The following TBC1D32 variants were observed in gnomAD, a reference collection of about 807,000 sequenced individuals.
The protein encoded by TBC1D32 is protein broad-minded.
Under a neutral mutation model 170.3 loss-of-function variants are expected in TBC1D32, and 151 were observed. The observed-to-expected ratio is 0.89, with a 90% confidence interval of 0.78 to 1.01. The LOEUF is 1.01. Among genes scored for constraint, TBC1D32 ranks in the 50% least tolerant of loss-of-function variants. The probability of loss-of-function intolerance (pLI) is 0.00; values close to 1 mark genes in which losing one functional copy is unlikely to be tolerated. For missense variants in TBC1D32, 1,464 were observed against 1,457.1 expected, an observed-to-expected ratio of 1.00 and a Z score of -0.08; for synonymous variants, 498 against 488.0, an observed-to-expected ratio of 1.02 and a Z score of -0.27.
intron 22 of TBC1D32, among the ~76,000 whole-genome samples, chr6:121,186,919 A>G (rs574843450): frequency 0.03 from 1,896 of 62,466 alleles, 38 homozygotes; most frequent in African/African-American, 0.052. Context: ...AAATGACTCA[A>G]AATATTCAAA....
chr6:121,169,864 G>A (rs1195000633), intron 22 of TBC1D32, among the ~76,000 whole-genome samples: 1 of 152,034 alleles, frequency 6.6e-6, no homozygotes, highest in Non-Finnish European at 1.5e-5. Context: ...TTGAGGTAAT[G>A]GCAAGTGTGA....
intron 12 of TBC1D32, among the ~76,000 whole-genome samples, chr6:121,289,779 T>C (rs991681048): frequency 4.6e-5 from 6 of 129,382 alleles, no homozygotes; most frequent in African/African-American, 1.5e-4. Context: ...CAAAACAGCA[T>C]GGTACTGGTA....
intron 21 of TBC1D32, among the ~76,000 whole-genome samples, chr6:121,218,577 T>C (rs1794110312): frequency 1.3e-5 from 2 of 152,166 alleles, no homozygotes; most frequent in African/African-American, 2.4e-5. Flanking sequence ...GCTGTCTGTG[T>C]GCCTAGAATA....
chr6:121,325,091 A>G (rs1475570536), intron 1 of TBC1D32, among the ~76,000 whole-genome samples: 2 of 152,052 alleles, frequency 1.3e-5, no homozygotes, highest in Non-Finnish European at 2.9e-5. Context: ...ACATGCTTAT[A>G]ATCCCAGCTA....
intron 30 of TBC1D32, among the ~76,000 whole-genome samples, chr6:121,099,776 TA>T (rs962177237): frequency 1.3e-5 from 2 of 151,948 alleles, no homozygotes; most frequent in African/African-American, 4.8e-5. Context: ...AGGACATTTT[TA>T]CATTACCTTA....
intron 14 of TBC1D32, 134 bp from the exon 15 acceptor site, chr6:121,279,379 T>A: frequency 9.3e-7 from 1 of 1,077,766 alleles, no homozygotes; most frequent in Non-Finnish European, 1.3e-6. Context: ...ATGATTTGTT[T>A]GGCTGTGAAA....
In TBC1D32 at chr6:121,252,093, C is replaced by T. The variant is rs71449110; in HGVS notation, c.2018+3235G>A. Reference sequence around the variant, plus strand: ...AAAAAACAGGTGCTAGAGAGGATGTCGAGAAATAGGGACGATTTTACACTG... The same window carrying T: ...AAAAAACAGGTGCTAGAGAGGATGTTGAGAAATAGGGACGATTTTACACTG... On this transcript the variant is annotated intron_variant, in intron 17 of 31. Coordinates refer to ENST00000398212, the MANE Select transcript of TBC1D32 (RefSeq NM_152730.6). Among the ~76,000 whole-genome samples, 7 of 152,106 alleles carry T rather than the reference C, an allele frequency of 4.6e-5. No individual in the cohort carries two copies. In the South Asian group the frequency reaches 1.0e-3, roughly 23 times the overall value.
chr6:121,218,790 A>C (rs113147227), intron 21 of TBC1D32, among the ~76,000 whole-genome samples: 2 of 152,112 alleles, frequency 1.3e-5, no homozygotes, highest in African/African-American at 4.8e-5. Flanking sequence ...AGTTACCCCC[A>C]TGCTGTTTTC....
intron 12 of TBC1D32, among the ~76,000 whole-genome samples, chr6:121,290,062 G>T (rs1804581637): frequency 6.6e-6 from 1 of 152,066 alleles, no homozygotes. Context: ...GAAAACCTAG[G>T]CAATACCATT....
At chr6:121,279,283 T>C (rs977475423) in intron 14 of TBC1D32, 38 bp from the exon 15 acceptor site, 2 of 1,591,942 alleles carry the variant, frequency 1.3e-6, no homozygotes, top group Non-Finnish European at 1.7e-6. Flanking sequence ...ATCACATAAT[T>C]TTATGACATG....
At chr6:121,098,327 T>C (rs1335132970) in intron 30 of TBC1D32, among the ~76,000 whole-genome samples, 1 of 151,936 alleles carries the variant, frequency 6.6e-6, no homozygotes, top group East Asian at 1.9e-4. Context: ...TCAAAGACAC[T>C]ATTTTTAACA....
intron 22 of TBC1D32, 45 bp from the exon 23 acceptor site, chr6:121,161,101 A>G (rs776306098): frequency 9.2e-6 from 13 of 1,407,622 alleles, no homozygotes; most frequent in Non-Finnish European, 1.3e-5. Context: ...TTGATTGAAT[A>G]TGTGTTAATT....
Position 121,259,524 on chromosome 6 carries a change from C to T in TBC1D32, c.1734-3239G>A, listed in dbSNP as rs145771589. ...CTCTAGTGAAATATGGCAGACTGAA[C>T]ATATACATTCACTGCTCCCTTCATA... On this transcript the variant is annotated intron_variant, in intron 15 of 31. Transcript: ENST00000398212. 2.4e-3 allele frequency among the ~76,000 whole-genome samples: 372 copies of T among 152,108 alleles called. 3 individuals carry two copies. Among genetic ancestry groups the T allele is most frequent in the African/African-American group, 8.9e-3 (368 of 41,498 alleles).
At chr6:121,221,780 G>A (rs1794554520) in intron 21 of TBC1D32, among the ~76,000 whole-genome samples, 1 of 152,322 alleles carries the variant, frequency 6.6e-6, no homozygotes, top group Admixed American at 6.5e-5. Flanking sequence ...TCTTATGGAT[G>A]AGCAAAGATG....
chr6:121,219,984 G>A (rs930320348), intron 21 of TBC1D32, among the ~76,000 whole-genome samples: 8 of 152,200 alleles, frequency 5.3e-5, no homozygotes, highest in Non-Finnish European at 1.0e-4. Context: ...ACAGATAAAT[G>A]TTGTTCTGAT....
chr6:121,170,307 G>A, intron 22 of TBC1D32: 4 of 1,160,536 alleles, frequency 3.4e-6, no homozygotes, highest in Non-Finnish European at 4.6e-6. Context: ...AATTTAGAAA[G>A]CAGAAAAACA....
At chr6:121,310,578 G>A (rs538247785) in intron 4 of TBC1D32, among the ~76,000 whole-genome samples, 11 of 152,190 alleles carry the variant, frequency 7.2e-5, no homozygotes, top group Admixed American at 3.9e-4. Context: ...TCCAAACCAC[G>A]ACAATTCTCT....
rs559900288 is a variant in TBC1D32, at chr6:121,080,074, G to A, written c.*697C>T. 2.0e-5 allele frequency: 3 copies of A among 152,334 alleles called. No homozygotes were observed. The highest frequency in any genetic ancestry group is 7.2e-5 in the African/African-American group (3 of 41,568). 9.4% of individuals were successfully genotyped at this position (152,334 alleles called of 1,614,324 possible). ...TTTCCTTTACATGTACAGACATAAAGAATGGAAGAAATACTGTCTTTTCCT... is the reference window on the plus strand; with the variant it reads ...TTTCCTTTACATGTACAGACATAAAAAATGGAAGAAATACTGTCTTTTCCT... On this transcript the variant is annotated 3_prime_UTR_variant, in exon 32 of 32. Transcript: ENST00000398212.
chr6:121,315,597 A>G (rs1808816513), intron 3 of TBC1D32, among the ~76,000 whole-genome samples: 1 of 152,208 alleles, frequency 6.6e-6, no homozygotes, highest in Admixed American at 6.5e-5. Context: ...CACTAATATC[A>G]AAACAGTAAC....
Sources: gnomAD v4.1 joint callset for allele counts (sites outside exome capture counted in the v4.1 genomes callset) on GRCh38, gnomAD v4.1.1 for gene constraint, MANE v1.5 for transcripts, NCBI Gene and HGNC (gene_info 2026-07-23, HGNC 2026-07-21) for gene names.